The following TAF12 variants were observed in gnomAD, a reference collection of about 807,000 sequenced individuals.
TAF12 encodes the protein TATA-box binding protein associated factor 12.
Under a neutral mutation model 20.8 loss-of-function variants are expected in TAF12, and 3 were observed. The observed-to-expected ratio is 0.14, with a 90% CI of 0.07 to 0.37. The LOEUF (loss-of-function observed/expected upper bound fraction) is 0.37. Among genes scored for constraint, TAF12 ranks in the 10% least tolerant of loss-of-function variants. The probability of loss-of-function intolerance (pLI) is 1.00; values close to 1 mark genes in which losing one functional copy is unlikely to be tolerated. For synonymous variants in TAF12, 69 were observed against 70.2 expected, an observed-to-expected ratio of 0.98 and a Z score of 0.09; for missense variants, 131 against 197.9, an observed-to-expected ratio of 0.66 and a Z score of 2.03.
chr1:28,623,462 C>T (rs1309738694), intron 1 of TAF12, among the ~76,000 whole-genome samples: 1 of 150,258 alleles, frequency 6.7e-6, no homozygotes. Context: ...CAGAGGTTGA[C>T]GAAACTCCAT....
chr1:28,645,949 CAG>C (rs966987097), upstream of TAF12: 1 of 143,990 alleles, frequency 6.9e-6, no homozygotes, highest in Admixed American at 7.1e-5. Flanking sequence ...ACCTGGGCAA[CAG>C]AGTGAGACTG....
At chr1:28,640,582 A>G (rs1431778169) in intron 1 of TAF12, among the ~76,000 whole-genome samples, 2 of 152,200 alleles carry the variant, frequency 1.3e-5, no homozygotes, top group Non-Finnish European at 1.5e-5. Flanking sequence ...AGAATACTCG[A>G]TAGTGCATAA....
At chr1:28,609,077 T>C (rs942751589) in intron 4 of TAF12, among the ~76,000 whole-genome samples, 5 of 152,174 alleles carry the variant, frequency 3.3e-5, no homozygotes, top group Non-Finnish European at 7.3e-5. Context: ...ATAATCTTTT[T>C]TATTTATTTA....
At chr1:28,621,036 A>G (rs1667205890) in intron 2 of TAF12, among the ~76,000 whole-genome samples, 1 of 151,936 alleles carries the variant, frequency 6.6e-6, no homozygotes, top group African/African-American at 2.4e-5. Context: ...TGTTACTTTT[A>G]CTCCTTTATT....
Position 28,603,539 on chromosome 1 carries a change from T to C in TAF12, c.486A>G (p.Ter162=). Residue 162 remains the stop codon, a stop_retained_variant, in exon 6 of 6, where the codon TAA becomes TAG. Transcript: ENST00000373824. Reference sequence around the variant, plus strand: ...GTCCATTCCCTGACCTTTCCGTGTGTTATTTCTTGGTTGTTTTCCGGATCA... The same window carrying C: ...GTCCATTCCCTGACCTTTCCGTGTGCTATTTCTTGGTTGTTTTCCGGATCA... ...MALIRKTTKK[*] is the part of the protein sequence containing the mutation. The C allele has an allele frequency of 6.2e-7, 1 of 1,613,778 alleles. No individual in the cohort carries two copies. Among genetic ancestry groups the C allele is most frequent in the East Asian group, 2.2e-5 (1 of 44,884 alleles).
intron 4 of TAF12, among the ~76,000 whole-genome samples, chr1:28,610,345 A>C (rs1186387906): frequency 1.3e-5 from 2 of 152,084 alleles, no homozygotes; most frequent in East Asian, 3.9e-4. Context: ...CTCAGGCTAG[A>C]GTGCAGTGGC....
chr1:28,627,588 G>T (rs565453076), intron 1 of TAF12, among the ~76,000 whole-genome samples: 24 of 147,204 alleles, frequency 1.6e-4, no homozygotes, highest in African/African-American at 5.8e-4. Context: ...AGCTACTCGG[G>T]AGGCTGAGAC....
At chr1:28,643,246 T>C, upstream of TAF12, 1 of 340,444 alleles carries the variant, frequency 2.9e-6, no homozygotes, top group Non-Finnish European at 4.2e-6. Context: ...TAACTGCTTG[T>C]GGTTGAGTGG....
upstream of TAF12, among the ~76,000 whole-genome samples, chr1:28,645,122 G>T (rs564982923): frequency 6.6e-6 from 1 of 150,900 alleles, no homozygotes; most frequent in Non-Finnish European, 1.5e-5. Context: ...TGCAAGTTCC[G>T]CCTCCCAGGT....
Position 28,620,630 on chromosome 1 carries a change from G to GT in TAF12, c.168+1283dup, listed in dbSNP as rs1206339061. 4.7e-5 allele frequency among the ~76,000 whole-genome samples: 7 copies of GT among 149,624 alleles called. No individual in the cohort carries two copies. In the East Asian group the frequency reaches 1.2e-3, roughly 26 times the overall value. On this transcript the variant is annotated intron_variant, in intron 2 of 5. Coordinates refer to ENST00000373824, the MANE Select transcript of TAF12 (RefSeq NM_005644.4). Reference sequence around the variant, plus strand: ...TTTTTGTATTTTTAGTAGAGACGGGGTTTCACCGTGTTAGCCAGGATGGTC... The same window carrying GT: ...TTTTTGTATTTTTAGTAGAGACGGGGTTTTCACCGTGTTAGCCAGGATGGTC...
rs558795445 is a variant in TAF12, at chr1:28,624,095, G to A, written c.-84-1930C>T. The A allele has an allele frequency of 7.2e-5, 54 of 755,216 alleles. No homozygotes were observed. In the African/African-American group the frequency reaches 1.0e-3, roughly 14 times the overall value. 46.8% of individuals were successfully genotyped at this position (755,216 alleles called of 1,614,324 possible). A position where few individuals can be genotyped will look rare whatever the true frequency, so the allele number is the denominator to read the frequency against. Reference sequence around the variant, plus strand: ...TGGAACCATTTTAGTTGAATGGCCTGGTACATCTTCACCAACCAGGATCCA... The same window carrying A: ...TGGAACCATTTTAGTTGAATGGCCTAGTACATCTTCACCAACCAGGATCCA... On this transcript the variant is annotated intron_variant, in intron 1 of 5. Transcript: ENST00000373824.
chr1:28,625,910 C>A (rs1012500451), intron 1 of TAF12, among the ~76,000 whole-genome samples: 1 of 151,454 alleles, frequency 6.6e-6, no homozygotes, highest in African/African-American at 2.4e-5. Context: ...TAACTCCTGG[C>A]CTCAAGTAAT....
chr1:28,617,475 G>A (rs946802117), intron 3 of TAF12, among the ~76,000 whole-genome samples: 8 of 150,268 alleles, frequency 5.3e-5, no homozygotes, highest in African/African-American at 2.0e-4. Flanking sequence ...TTGAGATGGA[G>A]TCTTGCTCTG....
In TAF12 at chr1:28,607,392, C is replaced by T. The variant is rs568534592; in HGVS notation, c.362-1932G>A. On this transcript the variant is annotated intron_variant, in intron 4 of 5. Coordinates refer to ENST00000373824, the MANE Select transcript of TAF12 (RefSeq NM_005644.4). ...ACTAGAAATAAAAATATTAGCTGGG[C>T]GGGAGTGGTGGGTCACGCCTGTAAT... 5.1e-4 allele frequency among the ~76,000 whole-genome samples: 72 copies of T among 140,562 alleles called. 1 individual carries two copies. Among genetic ancestry groups the T allele is most frequent in the South Asian group, 5.2e-4 (2 of 3,836 alleles). 92.2% of individuals were successfully genotyped at this position (140,562 alleles called of 152,430 possible).
intron 4 of TAF12, among the ~76,000 whole-genome samples, chr1:28,610,496 AAC>A (rs1666816715): frequency 6.6e-6 from 1 of 151,720 alleles, no homozygotes; most frequent in African/African-American, 2.4e-5. Context: ...AATCTTTTGT[AAC>A]ACAGTGAGGT....
chr1:28,608,758 G>C (rs1666757010), intron 4 of TAF12, among the ~76,000 whole-genome samples: 1 of 151,362 alleles, frequency 6.6e-6, no homozygotes, highest in Non-Finnish European at 1.5e-5. Flanking sequence ...CTGTCTCAAA[G>C]TAAATAAATA....
chr1:28,644,063 A>G (rs545104057), upstream of TAF12, among the ~76,000 whole-genome samples: 33 of 151,990 alleles, frequency 2.2e-4, no homozygotes, highest in Non-Finnish European at 4.0e-4. Context: ...AAAAAAAAAA[A>G]AGAGAACAGC....
chr1:28,615,748 G>GAATTTTC (rs1296224550), intron 3 of TAF12, among the ~76,000 whole-genome samples: 1 of 136,986 alleles, frequency 7.3e-6, no homozygotes, highest in East Asian at 2.3e-4. Context: ...TAGGAGACTG[G>GAATTTTC]AATTTTCTCC....
At chr1:28,609,201 C>T (rs1043884513) in intron 4 of TAF12, among the ~76,000 whole-genome samples, 23 of 149,954 alleles carry the variant, frequency 1.5e-4, no homozygotes, top group Non-Finnish European at 2.7e-4. Flanking sequence ...CTCAGCCTCC[C>T]GAGTAGCTGG....
Sources: allele counts gnomAD v4.1 joint callset (sites outside exome capture counted in the v4.1 genomes callset), GRCh38; gene constraint gnomAD v4.1.1; transcripts MANE v1.5; gene names NCBI Gene and HGNC (gene_info 2026-07-23, HGNC 2026-07-21).